KNCN: variants seen among roughly 807,000 people sequenced by gnomAD.
KNCN encodes the protein kinocilin.
A neutral mutation model predicts 10.4 loss-of-function variants in KNCN; 11 were observed. The observed-to-expected ratio is 1.06, with a 90% CI of 0.67 to 1.75. The LOEUF (loss-of-function observed/expected upper bound fraction) is 1.75. Ranked by LOEUF, KNCN falls within the 40% of genes most tolerant of loss-of-function variation. KNCN has a pLI of 0.00. For missense variants in KNCN, 172 were observed against 167.1 expected, an observed-to-expected ratio of 1.03 and a Z score of -0.16; for synonymous variants, 67 against 71.6, an observed-to-expected ratio of 0.94 and a Z score of 0.33.
chr1:46,551,388 A>G lies in KNCN; in HGVS notation c.-173T>C. On this transcript the variant is annotated 5_prime_UTR_variant, in exon 1 of 4. Coordinates refer to ENST00000481882, the MANE Select transcript of KNCN (RefSeq NM_001322255.2). The surrounding 1 kb of genome is among the most constrained non-coding windows in gnomAD (Gnocchi z 4.0). Reference sequence around the variant, plus strand: ...TGGGATTTATCTGCAGTCCTATTCCACTGCTCCACTACGGGCCCCCCAGTC... The same window carrying G: ...TGGGATTTATCTGCAGTCCTATTCCGCTGCTCCACTACGGGCCCCCCAGTC... The G allele has an allele frequency of 3.2e-6, 2 of 623,498 alleles. No individual in the cohort carries two copies. Among genetic ancestry groups the G allele is most frequent in the Non-Finnish European group, 5.2e-6 (2 of 383,558 alleles). The allele number at this position is 623,498 out of a possible 1,614,324, so 38.6% of individuals were successfully genotyped here.
chr1:46,551,348 A>G lies in KNCN; in HGVS notation c.-133T>C, dbSNP rs2148510287. 1 of 965,836 alleles carries G rather than the reference A, an allele frequency of 1.0e-6. No individual in the cohort carries two copies. The highest frequency in any genetic ancestry group is 2.8e-5 in the East Asian group (1 of 36,148). 59.8% of individuals were successfully genotyped at this position (965,836 alleles called of 1,614,324 possible). On this transcript the variant is annotated 5_prime_UTR_variant, in exon 1 of 4. Transcript: ENST00000481882. This position sits in a 1 kb window ranked among gnomAD's most constrained non-coding sequence, Gnocchi z 4.0. ...GTAGGAGTTTCTGGGCAGTAAGATG[A>G]TAGGTGGGGAACCCTGGGATTTATC...
Position 46,551,163 on chromosome 1 carries a change from A to G in KNCN, c.53T>C (p.Val18Ala), listed in dbSNP as rs775377458. ...RDFRGLQLAC[V>A]ALGLVAGSII... ...GCTGCCAGCCACCAGCCCGAGAGCC[A>G]CGCAGGCCAGCTGCAGGCCGCGGAA... Residue 18 changes from valine (V) to alanine (A), a missense_variant, in exon 1 of 4, where the codon GTG (valine) becomes GCG (alanine). Val to Ala is a moderately conservative substitution (Grantham distance 64). Transcript: ENST00000481882. The surrounding 1 kb of genome is among the most constrained non-coding windows in gnomAD (Gnocchi z 4.0). The G allele has an allele frequency of 6.2e-7, 1 of 1,611,104 alleles. No individual in the cohort carries two copies. Among genetic ancestry groups the G allele is most frequent in the South Asian group, 1.1e-5 (1 of 90,616 alleles).
intron 1 of KNCN, among the ~76,000 whole-genome samples, chr1:46,550,611 A>G (rs895713161): frequency 1.3e-5 from 2 of 152,156 alleles, no homozygotes; most frequent in South Asian, 4.1e-4. Flanking sequence ...GTGGCCCCAC[A>G]CAGATAGATG....
intron 2 of KNCN, 116 bp downstream of exon 2, chr1:46,549,818 A>C: frequency 6.9e-7 from 1 of 1,450,446 alleles, no homozygotes; most frequent in African/African-American, 1.4e-5. Context: ...ACAGACAGCT[A>C]GCGCGGTCTC....
chr1:46,549,868 G>A lies in KNCN; in HGVS notation c.220+66C>T, dbSNP rs564826455. The A allele has an allele frequency of 6.0e-5, 93 of 1,549,876 alleles. No homozygotes were observed. In the African/African-American group the frequency reaches 1.1e-3, roughly 19 times the overall value. ...CCCAGCCACACAGTGGGTCACAGAC[G>A]AGCACACAAAGGGTCTGGAACAGTC... On this transcript the variant is annotated intron_variant, in intron 2 of 3. Transcript: ENST00000481882.
chr1:46,545,866 G>A lies in KNCN; in HGVS notation c.*1864C>T, dbSNP rs1217615572. The A allele has an allele frequency of 6.6e-6, 1 of 152,284 alleles. No individual in the cohort carries two copies. Among genetic ancestry groups the A allele is most frequent in the Non-Finnish European group, 1.5e-5 (1 of 68,094 alleles). The allele number at this position is 152,284 out of a possible 1,614,324, so 9.4% of individuals were successfully genotyped here. On this transcript the variant is annotated 3_prime_UTR_variant, in exon 4 of 4. Transcript: ENST00000481882. The stretch of plus-strand genomic sequence containing the variant: ...CTGGGGCACTGAGGTGAGGATCGAA[G>A]ATGGATAGGAGGAAGGGTCTCCTCA...
rs41294782 is a variant in KNCN at position 46,549,527 on chromosome 1, A to T, written c.221-260T>A. Among the ~76,000 whole-genome samples, 328 of 152,122 alleles carry T rather than the reference A, an allele frequency of 2.2e-3. 1 individual carries two copies. The highest frequency in any genetic ancestry group is 4.6e-3 in the Admixed American group (70 of 15,292). ...CTGGGGCCATGAGAAGCCCCATAGGATTGGTGGAGATGGCAGCCTGTATGT... is the reference window on the plus strand; with the variant it reads ...CTGGGGCCATGAGAAGCCCCATAGGTTTGGTGGAGATGGCAGCCTGTATGT... On this transcript the variant is annotated intron_variant, in intron 2 of 3. Transcript: ENST00000481882.
rs1557805875 is a variant in KNCN, at chr1:46,550,526, C to CGGGGGCG, written c.152-531_152-525dup. On this transcript the variant is annotated intron_variant, in intron 1 of 3. Coordinates refer to ENST00000481882, the MANE Select transcript of KNCN (RefSeq NM_001322255.2). ...CTTCTGGTCCTGCCTTTGGCCTGGG[C>CGGGGGCG]GGGGGCGGGGGGTGGGGTGAGGTGA... Among the ~76,000 whole-genome samples the CGGGGGCG allele has an allele frequency of 5.3e-5, 7 of 132,240 alleles. No individual in the cohort carries two copies. The South Asian group carries it at 1.4e-3, about 26-fold the overall frequency. 86.8% of individuals were successfully genotyped at this position (132,240 alleles called of 152,430 possible). A position where few individuals can be genotyped will look rare whatever the true frequency, so the allele number is the denominator to read the frequency against.
chr1:46,550,759 G>C (rs968605735), intron 1 of KNCN, among the ~76,000 whole-genome samples: 2 of 152,144 alleles, frequency 1.3e-5, no homozygotes, highest in Non-Finnish European at 2.9e-5. Context: ...GCCCAGATAG[G>C]CTGATGAATC....
At chr1:46,550,094 AGATATG>A in intron 1 of KNCN, 92 bp from the exon 2 acceptor site, 1 of 1,546,466 alleles carries the variant, frequency 6.5e-7, no homozygotes, top group Non-Finnish European at 8.7e-7. Flanking sequence ...GTGGTTTGTG[AGATATG>A]GGTGTGCATG....
At chr1:46,549,044 G>C (rs776128071) in intron 3 of KNCN, 149 bp downstream of exon 3, 34 of 602,168 alleles carry the variant, frequency 5.6e-5, no homozygotes, top group Non-Finnish European at 9.3e-5. Flanking sequence ...GGGAGGCTGA[G>C]GCAGGAGAAT....
In KNCN at chr1:46,550,414, C is replaced by A. The variant is rs77703141; in HGVS notation, c.152-412G>T. ...GGGAGCAGGAGCAGTGGAGCCAGTC[C>A]TGCCTTGCCCGCCCCCGCTCCATCC... On this transcript the variant is annotated intron_variant, in intron 1 of 3. Coordinates refer to ENST00000481882, the MANE Select transcript of KNCN (RefSeq NM_001322255.2). 0.022 allele frequency among the ~76,000 whole-genome samples: 3,345 copies of A among 152,248 alleles called. 246 individuals are homozygous for A. The East Asian group carries it at 0.27, about 12-fold the overall frequency.
rs149288350 is a variant in KNCN, at chr1:46,547,827, G to A, written c.296-18C>T. On this transcript the variant is annotated intron_variant, in intron 3 of 3. Coordinates refer to ENST00000481882, the MANE Select transcript of KNCN (RefSeq NM_001322255.2). ...GCGGGCTCCTGGGGGAGAGAACAGG[G>A]ACGAGGACTGCCTCCGTAGACAGGT... 11 of 1,444,740 alleles carry A rather than the reference G, an allele frequency of 7.6e-6. No homozygotes were observed. In the Admixed American group the frequency reaches 2.0e-4, roughly 26 times the overall value. 89.5% of individuals were successfully genotyped at this position (1,444,740 alleles called of 1,614,324 possible).
chr1:46,550,922 C>T lies in KNCN; in HGVS notation c.151+143G>A, dbSNP rs879509815. The T allele has an allele frequency of 6.2e-5, 46 of 740,232 alleles. No individual in the cohort carries two copies. The Middle Eastern group carries it at 1.1e-3, about 17-fold the overall frequency. 45.9% of individuals were successfully genotyped at this position (740,232 alleles called of 1,614,324 possible). A position where few individuals can be genotyped will look rare whatever the true frequency, so the allele number is the denominator to read the frequency against. On this transcript the variant is annotated intron_variant, in intron 1 of 3. Coordinates refer to ENST00000481882, the MANE Select transcript of KNCN (RefSeq NM_001322255.2). ...CCTCTCCCGCCTGTGCCCCTGATGG[C>T]GGCCTTGCTCACACCTCTAGCTTCC...
At position 46,549,915 on chromosome 1, in the gene KNCN, G is replaced by A. The variant is rs934102663; in HGVS notation, c.220+19C>T. 6.4e-7 allele frequency: 1 copy of A among 1,550,586 alleles called. No homozygotes were observed. The highest frequency in any genetic ancestry group is 2.4e-5 in the East Asian group (1 of 40,914). The stretch of plus-strand genomic sequence containing the variant: ...AGTCCTTGGCAGAGGGGTCTGCTGG[G>A]GTCAGGGAGAGGCCTCACCTATGGT... On this transcript the variant is annotated intron_variant, in intron 2 of 3. Coordinates refer to ENST00000481882, the MANE Select transcript of KNCN (RefSeq NM_001322255.2).
chr1:46,548,584 C>T (rs1377804642), intron 3 of KNCN, among the ~76,000 whole-genome samples: 1 of 151,940 alleles, frequency 6.6e-6, no homozygotes, highest in African/African-American at 2.4e-5. Flanking sequence ...GGAAAATAAA[C>T]TGAGGTATAG....
chr1:46,549,889 C>G, intron 2 of KNCN, 45 bp downstream of exon 2: 1 of 1,550,498 alleles, frequency 6.4e-7, no homozygotes. Context: ...GGGTCTGGAA[C>G]AGTCCTTGGC....
At chr1:46,550,541 G>GGGTGA (rs201440882) in intron 1 of KNCN, among the ~76,000 whole-genome samples, 78 of 143,384 alleles carry the variant, frequency 5.4e-4, no homozygotes, top group Middle Eastern at 3.5e-3. Flanking sequence ...GCGGGGGGTG[G>GGGTGA]GGTGAGGTGA....
intron 2 of KNCN, 26 bp from the exon 3 acceptor site, chr1:46,549,293 C>G (rs867017103): frequency 6.4e-7 from 1 of 1,561,312 alleles, no homozygotes; most frequent in Admixed American, 1.9e-5. Flanking sequence ...ACCCCAAGCC[C>G]CCTGATTACT....
Sources: gnomAD v4.1 joint callset for allele counts (sites outside exome capture counted in the v4.1 genomes callset) on GRCh38, gnomAD v4.1.1 for gene constraint, Gnocchi (gnomAD v3.1) non-coding constraint, MANE v1.5 for transcripts, NCBI Gene and HGNC (gene_info 2026-07-23, HGNC 2026-07-21) for gene names.